The following RBBP4 variants were observed in gnomAD, a reference collection of about 807,000 sequenced individuals.
RBBP4 encodes the protein histone-binding protein RBBP4.
In RBBP4, 3 loss-of-function variants were observed where a neutral mutation model predicts 57.2. The ratio of observed to expected loss-of-function variants is 0.05; its 90% CI spans 0.02 to 0.14. RBBP4 has a LOEUF of 0.14. Ranked by LOEUF, RBBP4 falls within the 10% of genes least tolerant of loss-of-function variation. The probability of loss-of-function intolerance (pLI) is 1.00; values close to 1 mark genes in which losing one functional copy is unlikely to be tolerated. For missense variants in RBBP4, 107 were observed against 520.6 expected (o/e 0.21, Z 7.73); for synonymous variants, 151 against 171.5 (o/e 0.88, Z 0.93).
At chr1:32,658,411 G>A (rs954571796) in intron 3 of RBBP4, among the ~76,000 whole-genome samples, 3 of 151,682 alleles carry the variant, frequency 2.0e-5, no homozygotes, top group Admixed American at 6.6e-5. Context: ...CCCTTTCTAG[G>A]TTTAAAGTGG....
intron 3 of RBBP4, among the ~76,000 whole-genome samples, chr1:32,664,972 T>TA (rs754093542): frequency 5.3e-5 from 8 of 151,914 alleles, no homozygotes; most frequent in East Asian, 1.9e-4. Flanking sequence ...ACTTCATTGC[T>TA]AAAAAAAATA....
chr1:32,653,104 A>G (rs994681550), intron 2 of RBBP4, among the ~76,000 whole-genome samples: 3 of 152,150 alleles, frequency 2.0e-5, no homozygotes, highest in Non-Finnish European at 4.4e-5. Context: ...TAGAGGGGAT[A>G]AAATAGCTTG....
intron 2 of RBBP4, among the ~76,000 whole-genome samples, chr1:32,653,948 G>A (rs922176930): frequency 1.1e-4 from 17 of 151,882 alleles, no homozygotes; most frequent in African/African-American, 9.7e-5. Flanking sequence ...GTGAGCCACC[G>A]CGCCCGGCCT....
intron 3 of RBBP4, among the ~76,000 whole-genome samples, chr1:32,663,715 T>C (rs1648522094): frequency 6.6e-6 from 1 of 151,942 alleles, no homozygotes; most frequent in Admixed American, 6.6e-5. Context: ...TAGCTGGGAC[T>C]ACAGGCGCCT....
In RBBP4 at chr1:32,681,895, A is replaced by T. The variant is rs1649462864; in HGVS notation, c.*2190A>T. The T allele has an allele frequency of 1.3e-6, 2 of 1,586,384 alleles. No individual in the cohort carries two copies. The highest frequency in any genetic ancestry group is 2.2e-5 in the East Asian group (1 of 44,720). The stretch of plus-strand genomic sequence containing the variant: ...TGAAAGAAAAAGTTTATAACAGTGA[A>T]CTTCTGAGGTTTAGTTACTGCAGGC... On this transcript the variant is annotated 3_prime_UTR_variant, in exon 12 of 12. Transcript: ENST00000373493.
At position 32,661,201 on chromosome 1, in the gene RBBP4, A is replaced by G. The variant is rs151187063; in HGVS notation, c.310+3629A>G. 3.9e-4 allele frequency among the ~76,000 whole-genome samples: 59 copies of G among 152,248 alleles called. No homozygotes were observed. The South Asian group carries it at 5.2e-3, about 13-fold the overall frequency. ...TATTGTGAATAATGCTACAGTGAAC[A>G]TACAAGTGCACGTGTCTTTTTTGTA... On this transcript the variant is annotated intron_variant, in intron 3 of 11. Coordinates refer to ENST00000373493, the MANE Select transcript of RBBP4 (RefSeq NM_005610.3).
intron 11 of RBBP4, among the ~76,000 whole-genome samples, chr1:32,674,729 T>A (rs185605448): frequency 0.013 from 1,965 of 151,430 alleles, 15 homozygotes; most frequent in Middle Eastern, 0.024. Context: ...ATTTTTTTTT[T>A]AATTTTTTTT....
chr1:32,665,513 A>G (rs940271268), intron 3 of RBBP4, among the ~76,000 whole-genome samples: 3 of 152,010 alleles, frequency 2.0e-5, no homozygotes, highest in Non-Finnish European at 4.4e-5. Context: ...CCCCGTCTCT[A>G]CTAAAAATGC....
chr1:32,675,740 G>T (rs1359550922), intron 11 of RBBP4, among the ~76,000 whole-genome samples: 2 of 152,070 alleles, frequency 1.3e-5, no homozygotes, highest in Non-Finnish European at 2.9e-5. Flanking sequence ...CTGCACTCTA[G>T]CCTGGGTGAC....
intron 11 of RBBP4, among the ~76,000 whole-genome samples, chr1:32,675,309 T>C (rs1649051521): frequency 6.6e-6 from 1 of 152,020 alleles, no homozygotes; most frequent in South Asian, 2.1e-4. Flanking sequence ...GTGCTGGAAT[T>C]ACAGGCGTGA....
intron 3 of RBBP4, among the ~76,000 whole-genome samples, chr1:32,659,417 A>G (rs925178742): frequency 1.3e-5 from 2 of 151,720 alleles, no homozygotes; most frequent in Non-Finnish European, 2.9e-5. Context: ...AAAATTAGCC[A>G]TGTGCAGTGG....
rs1649448383 is a variant in RBBP4 at position 32,681,720 on chromosome 1, C to T, written c.*2015C>T. On this transcript the variant is annotated 3_prime_UTR_variant, in exon 12 of 12. Coordinates refer to ENST00000373493, the MANE Select transcript of RBBP4 (RefSeq NM_005610.3). Reference sequence around the variant, plus strand: ...CAGGTCAGCCAGTATTTGCAACTTCCACAGGATGAATTGCTTGCCAAGTTT... The same window carrying T: ...CAGGTCAGCCAGTATTTGCAACTTCTACAGGATGAATTGCTTGCCAAGTTT... 3 of 1,487,732 alleles carry T rather than the reference C, an allele frequency of 2.0e-6. No individual in the cohort carries two copies. Among genetic ancestry groups the T allele is most frequent in the Admixed American group, 3.5e-5 (2 of 56,424 alleles). 92.2% of individuals were successfully genotyped at this position (1,487,732 alleles called of 1,614,324 possible).
intron 2 of RBBP4, among the ~76,000 whole-genome samples, chr1:32,656,065 T>G (rs1286658846): frequency 1.3e-5 from 2 of 152,276 alleles, no homozygotes; most frequent in South Asian, 2.1e-4. Flanking sequence ...CACTAAATAG[T>G]CAGTTTTAAT....
In RBBP4 at chr1:32,682,063, A is replaced by T; in HGVS notation, c.*2358A>T. 1 of 562,952 alleles carries T rather than the reference A, an allele frequency of 1.8e-6. No homozygotes were observed. The allele number at this position is 562,952 out of a possible 1,614,324, so 34.9% of individuals were successfully genotyped here. On this transcript the variant is annotated 3_prime_UTR_variant, in exon 12 of 12. Transcript: ENST00000373493. ...GGGATAGTTAAACGTTTTCTCTGCT[A>T]GGTTAACTTCTTACAGGTATAATTA...
At position 32,685,255 on chromosome 1, in the gene RBBP4, A is replaced by T. The variant is rs990666030; in HGVS notation, c.*5550A>T. ...TTGGGAGCCCTCAGATAACTTTCTC[A>T]TTCTTCCAGAATCAGGCTGGGATGC... is the stretch of plus-strand genomic sequence containing the variant. On this transcript the variant is annotated 3_prime_UTR_variant, in exon 12 of 12. Coordinates refer to ENST00000373493, the MANE Select transcript of RBBP4 (RefSeq NM_005610.3). The T allele has an allele frequency of 1.3e-5, 2 of 152,190 alleles. No homozygotes were observed. Among genetic ancestry groups the T allele is most frequent in the African/African-American group, 4.8e-5 (2 of 41,446 alleles). The allele number at this position is 152,190 out of a possible 1,614,324, so 9.4% of individuals were successfully genotyped here.
intron 8 of RBBP4, among the ~76,000 whole-genome samples, chr1:32,671,999 T>G (rs2148528675): frequency 7.1e-6 from 1 of 140,716 alleles, no homozygotes; most frequent in Middle Eastern, 3.9e-3. Flanking sequence ...TTTTTTTTTG[T>G]TTTTCTTTTT....
In RBBP4 at chr1:32,669,635, A is replaced by G. The variant is rs1648787363; in HGVS notation, c.966+72A>G. 1 of 1,528,314 alleles carries G rather than the reference A, an allele frequency of 6.5e-7. No homozygotes were observed. The highest frequency in any genetic ancestry group is 8.8e-7 in the Non-Finnish European group (1 of 1,141,174). The allele number at this position is 1,528,314 out of a possible 1,614,324, so 94.7% of individuals were successfully genotyped here. ...GCTGGGCGCGGTCGCTCACGCCTGT[A>G]ATCCCAGCACTTTGGGAGGCTGAAG... On this transcript the variant is annotated intron_variant, in intron 8 of 11. Coordinates refer to ENST00000373493, the MANE Select transcript of RBBP4 (RefSeq NM_005610.3). This position sits in a 1 kb window ranked among gnomAD's most constrained non-coding sequence, Gnocchi z 4.9.
chr1:32,655,375 C>A (rs762110426), intron 2 of RBBP4, among the ~76,000 whole-genome samples: 5 of 150,100 alleles, frequency 3.3e-5, no homozygotes, highest in Non-Finnish European at 7.3e-5. Flanking sequence ...TACCCAGATC[C>A]GTTTCCCCCC....
chr1:32,677,715 T>TTGTCCTAAGACA (rs1649165583), intron 11 of RBBP4, among the ~76,000 whole-genome samples: 1 of 151,566 alleles, frequency 6.6e-6, no homozygotes, highest in Non-Finnish European at 1.5e-5. Flanking sequence ...GATTGAGTTG[T>TTGTCCTAAGACA]ACACCCAGTT....
Sources: allele counts gnomAD v4.1 joint callset (sites outside exome capture counted in the v4.1 genomes callset), GRCh38; gene constraint gnomAD v4.1.1; non-coding constraint Gnocchi (gnomAD v3.1); transcripts MANE v1.5; gene names NCBI Gene and HGNC (gene_info 2026-07-23, HGNC 2026-07-21).